FBXO42: variants seen among roughly 807,000 people sequenced by gnomAD.
The protein encoded by FBXO42 is F-box only protein 42.
A neutral mutation model predicts 71.7 loss-of-function variants in FBXO42; 12 were observed. The observed-to-expected ratio is 0.17, with a 90% CI of 0.11 to 0.27. The LOEUF is 0.27. Among genes scored for constraint, FBXO42 ranks in the 10% least tolerant of loss-of-function variants. The pLI is 1.00. For synonymous variants in FBXO42, 325 were observed against 327.5 expected (o/e 0.99, Z 0.08); for missense variants, 707 against 911.9 (o/e 0.78, Z 2.89).
Position 16,338,804 on chromosome 1 carries a change from CTT to C in FBXO42, c.-18+13449_-18+13450del, listed in dbSNP as rs71574177. On this transcript the variant is annotated intron_variant, in intron 1 of 9. Coordinates refer to ENST00000375592, the MANE Select transcript of FBXO42 (RefSeq NM_018994.3). The stretch of plus-strand genomic sequence containing the variant: ...AATGGAACATTTTATTTCCATTTGT[CTT>C]TTTTTTTTTTTTTTTTTTTTTTGAG... Among the ~76,000 whole-genome samples, 464 of 80,980 alleles carry C rather than the reference CTT, an allele frequency of 5.7e-3. 3 individuals are homozygous for C. Among genetic ancestry groups the C allele is most frequent in the African/African-American group, 0.019 (393 of 21,162 alleles). The allele number at this position is 80,980 out of a possible 152,430, so 53.1% of individuals were successfully genotyped here.
At chr1:16,309,445 A>T (rs1254576206) in intron 2 of FBXO42, among the ~76,000 whole-genome samples, 1 of 152,190 alleles carries the variant, frequency 6.6e-6, no homozygotes, top group Non-Finnish European at 1.5e-5. Context: ...TCTACATGCA[A>T]GAAAATGAAT....
At chr1:16,307,462 T>C (rs946846587) in intron 2 of FBXO42, among the ~76,000 whole-genome samples, 3 of 151,448 alleles carry the variant, frequency 2.0e-5, no homozygotes, top group Non-Finnish European at 4.4e-5. Flanking sequence ...CCTATGATCA[T>C]GCCATGCCAC....
intron 1 of FBXO42, among the ~76,000 whole-genome samples, chr1:16,344,633 T>C (rs553130255): frequency 1.1e-4 from 17 of 151,456 alleles, no homozygotes; most frequent in Non-Finnish European, 2.1e-4. Flanking sequence ...ACAGCACCCA[T>C]CCAGTTGTTA....
At chr1:16,350,978 C>A (rs970740276) in intron 1 of FBXO42, among the ~76,000 whole-genome samples, 3 of 152,026 alleles carry the variant, frequency 2.0e-5, no homozygotes, top group Admixed American at 6.6e-5. Context: ...AGATTACACA[C>A]GTGAATACAC....
intron 1 of FBXO42, among the ~76,000 whole-genome samples, chr1:16,348,882 A>C (rs979557767): frequency 1.3e-5 from 2 of 152,232 alleles, no homozygotes; most frequent in African/African-American, 4.8e-5. Context: ...ATTAATTGTC[A>C]TCAAATTAAA....
chr1:16,333,439 C>G (rs1014812739), intron 1 of FBXO42, among the ~76,000 whole-genome samples: 88 of 128,414 alleles, frequency 6.9e-4, no homozygotes, highest in African/African-American at 2.4e-3. Context: ...TAGTGAGACC[C>G]CCCCCCCCCA....
intron 4 of FBXO42, among the ~76,000 whole-genome samples, chr1:16,273,603 G>A (rs556478597): frequency 2.2e-4 from 34 of 151,932 alleles, no homozygotes; most frequent in Middle Eastern, 3.4e-3. Flanking sequence ...AATGAGGGCC[G>A]GGCATGGTGG....
chr1:16,329,498 T>C (rs1347249125), intron 1 of FBXO42, among the ~76,000 whole-genome samples: 1 of 151,586 alleles, frequency 6.6e-6, no homozygotes, highest in Non-Finnish European at 1.5e-5. Flanking sequence ...GCAAGAGAAC[T>C]GCTAGAACCA....
intron 4 of FBXO42, among the ~76,000 whole-genome samples, chr1:16,274,599 T>G (rs928014244): frequency 1.0e-4 from 12 of 116,120 alleles, no homozygotes; most frequent in Middle Eastern, 4.6e-3. Flanking sequence ...TTTTTTTTTT[T>G]TTTTTTTTTT....
At chr1:16,350,761 G>GA (rs1336949130) in intron 1 of FBXO42, among the ~76,000 whole-genome samples, 1 of 113,900 alleles carries the variant, frequency 8.8e-6, no homozygotes, top group Non-Finnish European at 2.0e-5. Context: ...AAAAAAAAAA[G>GA]AAAGAAAGAA....
chr1:16,287,078 C>A (rs2082029246), intron 4 of FBXO42, among the ~76,000 whole-genome samples: 1 of 152,204 alleles, frequency 6.6e-6, no homozygotes. Flanking sequence ...AATGTCCTTA[C>A]AACAGCCAGA....
At position 16,251,680 on chromosome 1, in the gene FBXO42, G is replaced by T. The variant is rs1294550310; in HGVS notation, c.1144C>A (p.Leu382Ile). 1 of 1,614,116 alleles carries T rather than the reference G, an allele frequency of 6.2e-7. No homozygotes were observed. Among genetic ancestry groups the T allele is most frequent in the African/African-American group, 1.3e-5 (1 of 74,934 alleles). Residue 382 changes from leucine to isoleucine, a missense_variant, in exon 10 of 10, where the codon CTC (leucine) becomes ATC (isoleucine). Physicochemically the swap from Leu to Ile is conservative, Grantham distance 5. Around this residue, in one of 5 missense-constraint regions of FBXO42, gnomAD observed 482 missense variants for 587.1 expected, o/e 0.82. Transcript: ENST00000375592. The surrounding 1 kb of genome is among the most constrained non-coding windows in gnomAD (Gnocchi z 4.5). ...CGGTACTCTCGGGTTTCAGGAACGA[G>T]AGCTGGAGGAGTGGCACTGATAGGT... ...PSPISATPPA[L>I]VPETREYRSQ... is the part of the protein sequence containing the mutation.
chr1:16,334,736 G>C (rs2082535952), intron 1 of FBXO42, among the ~76,000 whole-genome samples: 1 of 151,986 alleles, frequency 6.6e-6, no homozygotes, highest in African/African-American at 2.4e-5. Flanking sequence ...CCTTAATGCT[G>C]TAAACTACAA....
At chr1:16,303,310 A>G (rs1280909898) in intron 3 of FBXO42, among the ~76,000 whole-genome samples, 2 of 152,146 alleles carry the variant, frequency 1.3e-5, no homozygotes, top group African/African-American at 4.8e-5. Flanking sequence ...TCCCAACAGG[A>G]GCTCTTATCA....
At chr1:16,270,674 C>CA (rs34861558) in intron 4 of FBXO42, among the ~76,000 whole-genome samples, 1,480 of 14,816 alleles carry the variant, frequency 0.1, 345 homozygotes, top group Middle Eastern at 0.25. Context: ...CTCTGTCTCT[C>CA]AAAAAAAAAA....
intron 1 of FBXO42, among the ~76,000 whole-genome samples, chr1:16,351,713 A>G (rs2082704439): frequency 6.6e-6 from 1 of 152,192 alleles, no homozygotes; most frequent in African/African-American, 2.4e-5. Flanking sequence ...TGTCTCAAGC[A>G]AGGAGATCCG....
intron 3 of FBXO42, among the ~76,000 whole-genome samples, chr1:16,295,541 C>T (rs571984916): frequency 6.6e-6 from 1 of 152,150 alleles, no homozygotes; most frequent in South Asian, 2.1e-4. Flanking sequence ...CAGGTGTGCA[C>T]CACCACACCC....
chr1:16,318,288 C>A (rs2082386801), intron 1 of FBXO42, among the ~76,000 whole-genome samples: 1 of 152,020 alleles, frequency 6.6e-6, no homozygotes, highest in South Asian at 2.1e-4. Flanking sequence ...TGTGGTGGCA[C>A]ACACCTGTAA....
In FBXO42 at chr1:16,294,892, C is replaced by A; in HGVS notation, c.393G>T (p.Gln131His). ...TACAGCCTCCAAACACATACATAGA[C>A]TGATTAGCATCATAATAGCATGCAC... ...SHSACYYDAN[Q>H]SMYVFGGCTQ... Residue 131 changes from glutamine to histidine, a missense_variant, in exon 4 of 10, where the codon CAG (glutamine) becomes CAT (histidine). By Grantham distance (24) the Gln-to-His change is conservative. Transcript: ENST00000375592. 1 of 1,613,208 alleles carries A rather than the reference C, an allele frequency of 6.2e-7. No individual in the cohort carries two copies. The highest frequency in any genetic ancestry group is 1.1e-5 in the South Asian group (1 of 90,908).
Sources: allele counts gnomAD v4.1 joint callset (sites outside exome capture counted in the v4.1 genomes callset), GRCh38; gene constraint gnomAD v4.1.1; regional missense constraint gnomAD v4.1.1; non-coding constraint Gnocchi (gnomAD v3.1); transcripts MANE v1.5; gene names NCBI Gene and HGNC (gene_info 2026-07-23, HGNC 2026-07-21).